Variants in HTR2C observed in about 807,000 individuals in gnomAD.
The protein encoded by HTR2C is 5-hydroxytryptamine receptor 2C, also known as 5-hydroxytryptamine (serotonin) receptor 2C, G protein-coupled.
In HTR2C, 5 loss-of-function variants were observed where a neutral mutation model predicts 21.0. The ratio of observed to expected loss-of-function variants is 0.24; its 90% CI spans 0.12 to 0.50. The LOEUF is 0.50. Ranked by LOEUF, HTR2C falls within the 20% of genes least tolerant of loss-of-function variation. The pLI, the probability that HTR2C is intolerant of heterozygous loss-of-function variation, is 0.98. For missense variants in HTR2C, 271 were observed against 371.2 expected, an observed-to-expected ratio of 0.73 and a Z score of 2.22; for synonymous variants, 150 against 145.3, an observed-to-expected ratio of 1.03 and a Z score of -0.23.
chrX:114,747,600 A>T (rs1044888292), intron 4 of HTR2C, among the ~76,000 whole-genome samples: 1 of 112,195 alleles, frequency 8.9e-6, no homozygotes, highest in Non-Finnish European at 1.9e-5. Flanking sequence ...AGCAGAAGTG[A>T]TTGGATGCTA....
chrX:114,704,451 T>A (rs782514452), intron 2 of HTR2C, among the ~76,000 whole-genome samples: 81 of 111,113 alleles, frequency 7.3e-4, no homozygotes, highest in African/African-American at 2.4e-3. Flanking sequence ...GGAACCAAAG[T>A]CAAAAACCAC....
At position 114,787,149 on chromosome X, in the gene HTR2C, C is replaced by G. The variant is rs995160651; in HGVS notation, c.349+55542C>G. On this transcript the variant is annotated intron_variant, in intron 4 of 5. Coordinates refer to ENST00000276198, the MANE Select transcript of HTR2C (RefSeq NM_000868.4). ...AGACCCAGACGAATCTTTTTCTGGA[C>G]CGCATTATATCCTGAATAAGAAGGA... 3.6e-5 allele frequency among the ~76,000 whole-genome samples: 4 copies of G among 111,736 alleles called. No individual in the cohort carries two copies. In the Admixed American group the frequency reaches 3.8e-4, roughly 11 times the overall value.
intron 4 of HTR2C, among the ~76,000 whole-genome samples, chrX:114,805,890 CATATATATACATCATATATATACCAT>C (rs2070415792): frequency 3.5e-5 from 3 of 86,767 alleles, no homozygotes; most frequent in African/African-American, 1.4e-4. Flanking sequence ...ATATGTATAC[CATATATATACATCATATATATACCAT>C]ATATATATAC....
intron 4 of HTR2C, among the ~76,000 whole-genome samples, chrX:114,818,923 T>C (rs1202143412): frequency 8.9e-6 from 1 of 111,983 alleles, no homozygotes; most frequent in Middle Eastern, 4.2e-3. Flanking sequence ...TATTTATTTA[T>C]TTTGCTTTGG....
At chrX:114,726,016 G>A (rs1174547422) in intron 2 of HTR2C, among the ~76,000 whole-genome samples, 1 of 111,335 alleles carries the variant, frequency 9.0e-6, no homozygotes, top group Non-Finnish European at 1.9e-5. Context: ...AGGCAGGCAG[G>A]CCTCCTTGAG....
intron 2 of HTR2C, among the ~76,000 whole-genome samples, chrX:114,662,790 G>A (rs1931037538): frequency 9.0e-6 from 1 of 111,096 alleles, no homozygotes; most frequent in Non-Finnish European, 1.9e-5. Context: ...ATTTCATGTT[G>A]TAAATAAATG....
At chrX:114,609,217 T>C (rs782678675) in intron 1 of HTR2C, among the ~76,000 whole-genome samples, 1 of 111,157 alleles carries the variant, frequency 9.0e-6, no homozygotes, top group East Asian at 2.8e-4. Flanking sequence ...CTGATTTTTT[T>C]ATTAGTATTT....
At chrX:114,629,100 A>G (rs1379904340) in intron 2 of HTR2C, among the ~76,000 whole-genome samples, 1 of 111,949 alleles carries the variant, frequency 8.9e-6, no homozygotes, top group Non-Finnish European at 1.9e-5. Flanking sequence ...TTAAGAGAGT[A>G]TCTATACTCT....
intron 4 of HTR2C, among the ~76,000 whole-genome samples, chrX:114,807,525 CATAT>C (rs61041073): frequency 3.1e-5 from 3 of 96,231 alleles, no homozygotes; most frequent in African/African-American, 7.7e-5. Flanking sequence ...ATATATATAC[CATAT>C]ATATATATGG....
intron 5 of HTR2C, among the ~76,000 whole-genome samples, chrX:114,874,745 G>A (rs2071119522): frequency 9.0e-6 from 1 of 111,311 alleles, no homozygotes; most frequent in Non-Finnish European, 1.9e-5. Context: ...CTGACCTCAG[G>A]TGATTCGCCC....
chrX:114,779,180 A>G (rs2070090610), intron 4 of HTR2C, among the ~76,000 whole-genome samples: 1 of 111,383 alleles, frequency 9.0e-6, no homozygotes, highest in Non-Finnish European at 1.9e-5. Flanking sequence ...AAGCGCAGGC[A>G]GTTAAAGTTT....
intron 5 of HTR2C, among the ~76,000 whole-genome samples, chrX:114,888,658 C>G (rs2071238370): frequency 8.9e-6 from 1 of 111,887 alleles, no homozygotes; most frequent in Non-Finnish European, 1.9e-5. Context: ...ACCATAGACT[C>G]TCACTGTTCT....
intron 2 of HTR2C, among the ~76,000 whole-genome samples, chrX:114,701,244 G>A (rs963308444): frequency 1.1e-4 from 12 of 112,068 alleles, no homozygotes; most frequent in Admixed American, 4.7e-4. Flanking sequence ...TCTGAGAACG[G>A]GCAGACTGCC....
intron 2 of HTR2C, among the ~76,000 whole-genome samples, chrX:114,685,671 A>G (rs1194717058): frequency 8.9e-6 from 1 of 111,898 alleles, no homozygotes; most frequent in Non-Finnish European, 1.9e-5. Flanking sequence ...AAAGCAGGTT[A>G]TAGCAGTGGA....
chrX:114,674,095 A>AC (rs1931473236), intron 2 of HTR2C, among the ~76,000 whole-genome samples: 1 of 112,156 alleles, frequency 8.9e-6, no homozygotes, highest in Non-Finnish European at 1.9e-5. Flanking sequence ...ATGCAGGGGC[A>AC]CCTTTTAACT....
chrX:114,606,518 C>T (rs112050437), intron 1 of HTR2C, among the ~76,000 whole-genome samples: 10,795 of 110,923 alleles, frequency 0.097, 1,253 homozygotes, highest in African/African-American at 0.33. Context: ...AAACATGTCT[C>T]CTTTGTCTCT....
chrX:114,584,516 G>C lies in HTR2C; in HGVS notation c.-290G>C, dbSNP rs1186277039. On this transcript the variant is annotated 5_prime_UTR_variant, in exon 1 of 6. Transcript: ENST00000276198. ...CTCCCTCCATTCCTCTCCCTCCGCC[G>C]AGGCGCGAGGTTGCGGCGCGCAGCG... The C allele has an allele frequency of 8.9e-6, 1 of 112,969 alleles. No homozygotes were observed. Among genetic ancestry groups the C allele is most frequent in the African/African-American group, 3.2e-5 (1 of 31,119 alleles). 9.3% of individuals were successfully genotyped at this position (112,969 alleles called of 1,213,427 possible).
chrX:114,616,160 G>A (rs1928939613), intron 2 of HTR2C, among the ~76,000 whole-genome samples: 1 of 110,812 alleles, frequency 9.0e-6, no homozygotes, highest in Non-Finnish European at 1.9e-5. Context: ...AATTCTTACT[G>A]TAAATAGAAG....
chrX:114,725,114 C>A (rs1933400176), intron 2 of HTR2C, among the ~76,000 whole-genome samples: 1 of 110,940 alleles, frequency 9.0e-6, no homozygotes, highest in Admixed American at 9.6e-5. Context: ...AGAGTGTTTT[C>A]CAACTTGGTT....
Sources: allele counts gnomAD v4.1 joint callset (sites outside exome capture counted in the v4.1 genomes callset), GRCh38; gene constraint gnomAD v4.1.1; transcripts MANE v1.5; gene names NCBI Gene and HGNC (gene_info 2026-07-23, HGNC 2026-07-21).